CHIA: variants seen among roughly 807,000 people sequenced by gnomAD.
The protein encoded by CHIA is acidic mammalian chitinase.
In CHIA, 47 loss-of-function variants were observed where a neutral mutation model predicts 53.5. The ratio of observed to expected loss-of-function variants is 0.88; its 90% CI spans 0.70 to 1.12. The LOEUF (loss-of-function observed/expected upper bound fraction) is 1.12, where lower values mean the gene tolerates loss of function less well. Among genes scored for constraint, CHIA ranks in the 50% most tolerant of loss-of-function variants. The pLI is 0.00. For synonymous variants in CHIA, 268 were observed against 222.2 expected, an observed-to-expected ratio of 1.21 and a Z score of -1.83; for missense variants, 652 against 592.2, an observed-to-expected ratio of 1.10 and a Z score of -1.05.
chr1:111,319,522 A>G (rs1649479963), intron 11 of CHIA, 54 bp downstream of exon 11: 1 of 1,568,020 alleles, frequency 6.4e-7, no homozygotes, highest in South Asian at 1.1e-5. Context: ...CTCCAACTCA[A>G]AAAGCAACCC....
intron 1 of CHIA, among the ~76,000 whole-genome samples, chr1:111,295,912 C>T (rs557600074): frequency 1.6e-4 from 25 of 152,346 alleles, no homozygotes; most frequent in Non-Finnish European, 2.5e-4. Context: ...GATTATATCC[C>T]GCACCTGGCT....
chr1:111,320,165 G>C (rs756577970), intron 11 of CHIA, 48 bp from the exon 12 acceptor site: 13 of 1,572,022 alleles, frequency 8.3e-6, no homozygotes, highest in Non-Finnish European at 1.1e-5. Flanking sequence ...GTGAAGCTTA[G>C]AGCCTCTCCC....
At chr1:111,313,765 A>G (rs1648901285) in intron 4 of CHIA, among the ~76,000 whole-genome samples, 1 of 152,072 alleles carries the variant, frequency 6.6e-6, no homozygotes, top group Non-Finnish European at 1.5e-5. Context: ...GTAGTTTTAC[A>G]ATTTGAGGTC....
chr1:111,310,376 T>A, intron 1 of CHIA, 24 bp from the exon 2 acceptor site: 3 of 1,599,834 alleles, frequency 1.9e-6, no homozygotes, highest in Non-Finnish European at 2.6e-6. Flanking sequence ...CATACACATC[T>A]GGGTCAAATT....
intron 1 of CHIA, among the ~76,000 whole-genome samples, chr1:111,304,628 A>G (rs182551268): frequency 1.6e-4 from 24 of 152,254 alleles, no homozygotes; most frequent in Admixed American, 1.3e-3. Flanking sequence ...TGAAATTTAC[A>G]TTTTGTTCAT....
At chr1:111,295,497 A>G (rs1331112899) in intron 1 of CHIA, among the ~76,000 whole-genome samples, 1 of 152,206 alleles carries the variant, frequency 6.6e-6, no homozygotes, top group Non-Finnish European at 1.5e-5. Flanking sequence ...ACAATTGTTC[A>G]TAAAAGCCTC....
At position 111,317,971 on chromosome 1, in the gene CHIA, T is replaced by C. The variant is rs1571304095; in HGVS notation, c.606-15T>C. On this transcript the variant is annotated splice_polypyrimidine_tract_variant and intron_variant, in intron 7 of 11. Coordinates refer to ENST00000369740, the MANE Select transcript of CHIA (RefSeq NM_201653.4). ...TGACCATCAGAATGATTTTAAATCC[T>C]CCACCCCACCTCAGGTACCTGGACT... The C allele has an allele frequency of 1.9e-6, 3 of 1,614,042 alleles. No individual in the cohort carries two copies. Among genetic ancestry groups the C allele is most frequent in the South Asian group, 2.2e-5 (2 of 91,064 alleles).
intron 1 of CHIA, among the ~76,000 whole-genome samples, chr1:111,308,507 T>C (rs1300784838): frequency 6.6e-6 from 1 of 152,202 alleles, no homozygotes; most frequent in Non-Finnish European, 1.5e-5. Context: ...ATCCTCTTTA[T>C]AGGGTAAAAG....
In CHIA at chr1:111,320,378, G is replaced by A. The variant is rs1245731353; in HGVS notation, c.1343G>A (p.Trp448Ter). Residue 448 changes from tryptophan to a stop codon, truncating the protein, a stop_gained, in exon 12 of 12, where the codon TGG becomes TAG. Coordinates refer to ENST00000369740, the MANE Select transcript of CHIA (RefSeq NM_201653.4). LOFTEE classifies it low-confidence loss of function (END_TRUNC). Reference sequence around the variant, plus strand: ...GTGGCAAATAACAGAAATGCCTTCTGGCACTGCGTGAATGGAGTCACGTAC... The same window carrying A: ...GTGGCAAATAACAGAAATGCCTTCTAGCACTGCGTGAATGGAGTCACGTAC... ...YPVANNRNAF[W>*]HCVNGVTYQQ... 6.2e-7 allele frequency: 1 copy of A among 1,614,228 alleles called. No homozygotes were observed. Among genetic ancestry groups the A allele is most frequent in the East Asian group, 2.2e-5 (1 of 44,876 alleles).
chr1:111,304,916 T>C (rs1233764105), intron 1 of CHIA, among the ~76,000 whole-genome samples: 1 of 152,060 alleles, frequency 6.6e-6, no homozygotes, highest in Non-Finnish European at 1.5e-5. Context: ...ACTGTTTTGG[T>C]TTCTTGTCTT....
intron 4 of CHIA, 110 bp downstream of exon 4, chr1:111,312,501 C>A: frequency 1.2e-6 from 1 of 833,262 alleles, no homozygotes; most frequent in Non-Finnish European, 1.9e-6. Context: ...GGGACCAAGA[C>A]TCTGCATTTC....
chr1:111,319,145 C>T lies in CHIA; in HGVS notation c.941C>T (p.Ala314Val). The part of the protein sequence containing the change: ...YEICTFLKNG[A>V]TQGWDAPQEV... ...ATCTGTACCTTCCTGAAAAATGGAG[C>T]CACTCAGGGATGGGATGCCCCTCAG... is the stretch of plus-strand genomic sequence containing the variant. The change falls in exon 10 of 12, where the codon GCC (alanine) becomes GTC (valine). Residue 314 changes from alanine to valine, a missense_variant. By Grantham distance (64) the Ala-to-Val change is moderately conservative (BLOSUM62 0). Coordinates refer to ENST00000369740, the MANE Select transcript of CHIA (RefSeq NM_201653.4). 1 of 1,613,110 alleles carries T rather than the reference C, an allele frequency of 6.2e-7. No homozygotes were observed. Among genetic ancestry groups the T allele is most frequent in the Non-Finnish European group, 8.5e-7 (1 of 1,180,000 alleles).
chr1:111,311,525 G>C (rs1462742612), intron 2 of CHIA, among the ~76,000 whole-genome samples, 164 bp from the exon 3 acceptor site: 1 of 152,160 alleles, frequency 6.6e-6, no homozygotes, highest in Non-Finnish European at 1.5e-5. Flanking sequence ...GTGGGGAAAG[G>C]TAGATCTACT....
chr1:111,303,982 T>C (rs1647975631), intron 1 of CHIA, among the ~76,000 whole-genome samples: 1 of 152,172 alleles, frequency 6.6e-6, no homozygotes, highest in South Asian at 2.1e-4. Context: ...TGTTATCCCT[T>C]GTTTTGAAGG....
chr1:111,298,974 A>T (rs1647467567), intron 1 of CHIA, among the ~76,000 whole-genome samples: 1 of 152,224 alleles, frequency 6.6e-6, no homozygotes, highest in East Asian at 1.9e-4. Flanking sequence ...ACACAAATAA[A>T]CCAGAAAATC....
At chr1:111,307,291 C>G (rs1648264113) in intron 1 of CHIA, among the ~76,000 whole-genome samples, 1 of 152,202 alleles carries the variant, frequency 6.6e-6, no homozygotes, top group African/African-American at 2.4e-5. Context: ...ACAGCTGCTA[C>G]TTGTACCAAG....
At chr1:111,304,913 T>A (rs781562981) in intron 1 of CHIA, among the ~76,000 whole-genome samples, 2 of 152,090 alleles carry the variant, frequency 1.3e-5, no homozygotes, top group Non-Finnish European at 2.9e-5. Context: ...GTTACTGTTT[T>A]GGTTTCTTGT....
At chr1:111,296,544 T>A (rs954634759) in intron 1 of CHIA, among the ~76,000 whole-genome samples, 5 of 151,998 alleles carry the variant, frequency 3.3e-5, no homozygotes, top group Non-Finnish European at 7.4e-5. Context: ...AAAAAGGGAA[T>A]CCACACCAAA....
chr1:111,305,284 G>A (rs545620039), intron 1 of CHIA, among the ~76,000 whole-genome samples: 10 of 152,272 alleles, frequency 6.6e-5, no homozygotes, highest in African/African-American at 2.2e-4. Context: ...GATAAGAATG[G>A]TGCCAACCCT....
Sources: gnomAD v4.1 joint callset for allele counts (sites outside exome capture counted in the v4.1 genomes callset) on GRCh38, gnomAD v4.1.1 for gene constraint, MANE v1.5 for transcripts, NCBI Gene and HGNC (gene_info 2026-07-23, HGNC 2026-07-21) for gene names.